ABLIM3: variants seen among roughly 807,000 people sequenced by gnomAD.
ABLIM3 encodes actin binding LIM protein family member 3.
ABLIM3 carries 61 observed loss-of-function variants against 109.5 expected under a neutral mutation model. That is an observed-to-expected ratio of 0.56 (90% confidence interval 0.45 to 0.69). The LOEUF (loss-of-function observed/expected upper bound fraction) is 0.69, where lower values mean the gene tolerates loss of function less well. Ranked by LOEUF, ABLIM3 falls within the 30% of genes least tolerant of loss-of-function variation. ABLIM3 has a pLI of 0.00. For missense variants in ABLIM3, 796 were observed against 889.5 expected, an observed-to-expected ratio of 0.89 and a Z score of 1.34; for synonymous variants, 300 against 324.8, an observed-to-expected ratio of 0.92 and a Z score of 0.82.
intron 8 of ABLIM3, among the ~76,000 whole-genome samples, chr5:149,223,356 G>C (rs1297934138): frequency 2.6e-5 from 4 of 152,136 alleles, no homozygotes; most frequent in Admixed American, 6.5e-5. Flanking sequence ...CAATTTCCCG[G>C]CTTACTTCCT....
intron 8 of ABLIM3, among the ~76,000 whole-genome samples, chr5:149,227,707 C>A (rs1001229187): frequency 6.6e-6 from 1 of 152,188 alleles, no homozygotes; most frequent in Non-Finnish European, 1.5e-5. Context: ...CAGTTTGACA[C>A]ACCCCAATAT....
chr5:149,199,640 T>A (rs1312439963), intron 4 of ABLIM3, among the ~76,000 whole-genome samples: 2 of 152,236 alleles, frequency 1.3e-5, no homozygotes, highest in African/African-American at 2.4e-5. Flanking sequence ...GCCACAGTGC[T>A]AATACAAGGG....
chr5:149,234,198 T>G (rs1762131976), intron 10 of ABLIM3, among the ~76,000 whole-genome samples: 1 of 152,008 alleles, frequency 6.6e-6, no homozygotes, highest in Non-Finnish European at 1.5e-5. Context: ...GGAGAAGGCA[T>G]CCCGAGGAAG....
At chr5:149,202,457 T>C (rs1459206933) in intron 5 of ABLIM3, among the ~76,000 whole-genome samples, 2 of 152,166 alleles carry the variant, frequency 1.3e-5, no homozygotes, top group Non-Finnish European at 2.9e-5. Context: ...AGGTATTTTC[T>C]CCAAAGGTGG....
At chr5:149,212,371 C>T (rs1759650475) in intron 7 of ABLIM3, among the ~76,000 whole-genome samples, 1 of 152,090 alleles carries the variant, frequency 6.6e-6, no homozygotes, top group African/African-American at 2.4e-5. Flanking sequence ...GTGGAGTTTG[C>T]ATGTGACTCA....
At position 149,211,167 on chromosome 5, in the gene ABLIM3, TTTAA is replaced by T. The variant is rs561061512; in HGVS notation, c.669+352_669+355del. Reference sequence around the variant, plus strand: ...TTTTATTTATTTATTTATTTATTTATTTAATTATTTATTTTGTTTGTTTGTTTGT... The same window carrying T: ...TTTTATTTATTTATTTATTTATTTATTTATTTATTTTGTTTGTTTGTTTGT... On this transcript the variant is annotated intron_variant, in intron 7 of 23. Transcript: ENST00000309868. Among the ~76,000 whole-genome samples the T allele has an allele frequency of 6.2e-3, 943 of 151,764 alleles. 7 individuals are homozygous for T. The highest frequency in any genetic ancestry group is 9.6e-3 in the Non-Finnish European group (650 of 67,896).
chr5:149,250,634 T>C, intron 20 of ABLIM3, 129 bp downstream of exon 20: 2 of 1,048,460 alleles, frequency 1.9e-6, no homozygotes, highest in Non-Finnish European at 2.8e-6. Context: ...CTGACACAAC[T>C]GTATGGCAAT....
chr5:149,255,122 C>T (rs1368586376), intron 23 of ABLIM3, among the ~76,000 whole-genome samples: 1 of 152,236 alleles, frequency 6.6e-6, no homozygotes, highest in South Asian at 2.1e-4. Flanking sequence ...GCAAGGCTGT[C>T]ATTTGGCTAA....
At chr5:149,162,884 C>A (rs749645537) in intron 2 of ABLIM3, among the ~76,000 whole-genome samples, 1 of 152,208 alleles carries the variant, frequency 6.6e-6, no homozygotes, top group Admixed American at 6.5e-5. Context: ...TTTTCTAGGA[C>A]GCGTAACCCA....
intron 23 of ABLIM3, among the ~76,000 whole-genome samples, chr5:149,258,028 G>A (rs1754596199): frequency 1.3e-5 from 2 of 152,366 alleles, no homozygotes; most frequent in African/African-American, 4.8e-5. Context: ...AGTGGAAGCG[G>A]AAGTCCCACT....
intron 2 of ABLIM3, among the ~76,000 whole-genome samples, chr5:149,162,920 G>C (rs1754507354): frequency 6.6e-6 from 1 of 152,224 alleles, no homozygotes; most frequent in Admixed American, 6.5e-5. Flanking sequence ...TCTCTGGCGT[G>C]TCTGTTTTGG....
At chr5:149,142,230 A>G (rs1346090173) in intron 2 of ABLIM3, 122 bp downstream of exon 2, 14 of 1,434,590 alleles carry the variant, frequency 9.8e-6, no homozygotes, top group Non-Finnish European at 1.4e-5. Flanking sequence ...CATGACCCCC[A>G]GGCTCTTTTT....
rs756456127 is a variant in ABLIM3, at chr5:149,244,949, A to T, written c.1420A>T (p.Ile474Phe). Residue 474 changes from isoleucine (I) to phenylalanine (F), a missense_variant, in exon 16 of 24, where the codon ATC (isoleucine) becomes TTC (phenylalanine). Physicochemically the swap from Ile to Phe is conservative, Grantham distance 21 (BLOSUM62 0). Transcript: ENST00000309868. ...DISQTSKYSP[I>F]YSPDPYYASE... ...CAGCCAGACCTCCAAGTACAGTCCCATCTACTCGCCAGACCCCTACTATGC... is the reference window on the plus strand; with the variant it reads ...CAGCCAGACCTCCAAGTACAGTCCCTTCTACTCGCCAGACCCCTACTATGC... 5 of 1,614,046 alleles carry T rather than the reference A, an allele frequency of 3.1e-6. No individual in the cohort carries two copies. Among genetic ancestry groups the T allele is most frequent in the Non-Finnish European group, 4.2e-6 (5 of 1,180,038 alleles).
At chr5:149,149,962 T>C (rs1580983895) in intron 2 of ABLIM3, among the ~76,000 whole-genome samples, 1 of 152,178 alleles carries the variant, frequency 6.6e-6, no homozygotes, top group Non-Finnish European at 1.5e-5. Flanking sequence ...ACTGTGGCTG[T>C]GGCCCCAGGA....
intron 2 of ABLIM3, among the ~76,000 whole-genome samples, chr5:149,156,374 G>A (rs1156595657): frequency 1.3e-5 from 2 of 152,222 alleles, no homozygotes; most frequent in African/African-American, 4.8e-5. Context: ...CTTTAAGTGA[G>A]TGAATATATG....
At chr5:149,214,801 CCTGT>C (rs1759891180) in intron 7 of ABLIM3, among the ~76,000 whole-genome samples, 1 of 152,182 alleles carries the variant, frequency 6.6e-6, no homozygotes, top group African/African-American at 2.4e-5. Context: ...TCCTTCCATC[CCTGT>C]CTGTTTCCTC....
chr5:149,190,523 T>C (rs1233360227), intron 3 of ABLIM3, among the ~76,000 whole-genome samples: 1 of 151,778 alleles, frequency 6.6e-6, no homozygotes, highest in Non-Finnish European at 1.5e-5. Context: ...CTACAAAAAA[T>C]ACAAAAATTA....
Position 149,176,479 on chromosome 5 carries a change from G to A in ABLIM3, c.14-6973G>A, listed in dbSNP as rs73798016. Among the ~76,000 whole-genome samples the A allele has an allele frequency of 9.0e-3, 1,365 of 152,252 alleles. 23 individuals are homozygous for A. The highest frequency in any genetic ancestry group is 0.031 in the African/African-American group (1,275 of 41,528). On this transcript the variant is annotated intron_variant, in intron 2 of 23. Transcript: ENST00000309868. Reference sequence around the variant, plus strand: ...GTTGCATTGCAGGCAGTTGAGCTTAGTGGTAAGAGCCCGGGTTTGAAAGTC... The same window carrying A: ...GTTGCATTGCAGGCAGTTGAGCTTAATGGTAAGAGCCCGGGTTTGAAAGTC...
Position 149,151,746 on chromosome 5 carries a change from A to G in ABLIM3, c.13+9638A>G, listed in dbSNP as rs13360651. Among the ~76,000 whole-genome samples the G allele has an allele frequency of 6.7e-3, 1,027 of 152,306 alleles. 6 individuals carry two copies. The highest frequency in any genetic ancestry group is 0.023 in the African/African-American group (960 of 41,564). ...CCACCCCACCTGGTCATTTCTTACAACTGTGGTGTTTCAATAGTGTAAGGG... is the reference window on the plus strand; with the variant it reads ...CCACCCCACCTGGTCATTTCTTACAGCTGTGGTGTTTCAATAGTGTAAGGG... On this transcript the variant is annotated intron_variant, in intron 2 of 23. Transcript: ENST00000309868.
Sources: gnomAD v4.1 joint callset for allele counts (sites outside exome capture counted in the v4.1 genomes callset) on GRCh38, gnomAD v4.1.1 for gene constraint, MANE v1.5 for transcripts, NCBI Gene and HGNC (gene_info 2026-07-23, HGNC 2026-07-21) for gene names.